The following UBE3B variants were observed in gnomAD, a reference collection of about 807,000 sequenced individuals.
UBE3B encodes ubiquitin-protein ligase E3B.
A neutral mutation model predicts 132.3 loss-of-function variants in UBE3B; 80 were observed. The observed-to-expected ratio is 0.60, with a 90% confidence interval of 0.50 to 0.73. UBE3B has a LOEUF of 0.73. Among genes scored for constraint, UBE3B ranks in the 30% least tolerant of loss-of-function variants. The probability of loss-of-function intolerance (pLI) is 0.00; values close to 1 mark genes in which losing one functional copy is unlikely to be tolerated. For missense variants in UBE3B, 1,196 were observed against 1,362.5 expected (o/e 0.88, Z 1.92); for synonymous variants, 487 against 520.4 (o/e 0.94, Z 0.87).
rs2241207 is a variant in UBE3B, at chr12:109,530,981, T to C, written c.2922+323T>C. ...ATCTTTTTTCTTTATTTCCTTTCAT[T>C]ATAGAAGTAAATGACCCTCTGCTTG... On this transcript the variant is annotated intron_variant, in intron 26 of 27. Coordinates refer to ENST00000342494, the MANE Select transcript of UBE3B (RefSeq NM_130466.4). Among the ~76,000 whole-genome samples the C allele has an allele frequency of 2.5e-3, 378 of 152,250 alleles. 1 individual carries two copies. Among genetic ancestry groups the C allele is most frequent in the Admixed American group, 0.018 (269 of 15,302 alleles).
rs1408831817 is a variant in UBE3B at position 109,522,412 on chromosome 12, G to A, written c.2364+861G>A. Among the ~76,000 whole-genome samples, 11 of 152,190 alleles carry A rather than the reference G, an allele frequency of 7.2e-5. No individual in the cohort carries two copies. The highest frequency in any genetic ancestry group is 1.6e-4 in the Non-Finnish European group (11 of 68,022). ...TTCCTTGGGAGAGTCCTGTTTCCCA[G>A]GAGGAAGGAAAGCTGCAGCACAAGC... On this transcript the variant is annotated intron_variant, in intron 21 of 27. Transcript: ENST00000342494. The surrounding 1 kb of genome is among the most constrained non-coding windows in gnomAD (Gnocchi z 4.2).
At chr12:109,481,084 G>A (rs770423535) in intron 1 of UBE3B, among the ~76,000 whole-genome samples, 18 of 148,730 alleles carry the variant, frequency 1.2e-4, no homozygotes, top group African/African-American at 3.5e-4. Context: ...CAGCCTGGGC[G>A]ACAGAGCAAG....
At chr12:109,488,496 C>A in intron 6 of UBE3B, 76 bp from the exon 7 acceptor site, 1 of 1,287,392 alleles carries the variant, frequency 7.8e-7, no homozygotes, top group Non-Finnish European at 1.1e-6. Context: ...GCCCATAGAG[C>A]AGTTGTAAAG....
intron 9 of UBE3B, among the ~76,000 whole-genome samples, chr12:109,497,458 C>T (rs937301275): frequency 2.6e-5 from 4 of 152,128 alleles, no homozygotes; most frequent in Non-Finnish European, 4.4e-5. Flanking sequence ...ATAGAGAAAT[C>T]GATTATACCA....
Position 109,510,358 on chromosome 12 carries a change from G to A in UBE3B, c.1756G>A (p.Glu586Lys), listed in dbSNP as rs1410764028. The A allele has an allele frequency of 2.5e-6, 4 of 1,608,944 alleles. No individual in the cohort carries two copies. The highest frequency in any genetic ancestry group is 3.4e-6 in the Non-Finnish European group (4 of 1,177,686). ...TTGTCCCACAGAGAACGCCAAGGGT[G>A]AGACCTTGGAGCTGTTCCAGTCTGT... ...WDGIVENAKG[E>K]TLELFQSVHG... Residue 586 changes from glutamate to lysine, a missense_variant, in exon 17 of 28, where the codon GAG (glutamate) becomes AAG (lysine). Physicochemically the swap from Glu to Lys is moderately conservative, Grantham distance 56. Transcript: ENST00000342494.
Position 109,488,562 on chromosome 12 carries a change from T to C in UBE3B, c.448-10T>C, listed in dbSNP as rs1876899251. ...GTGTGTCTTAATCTTGCTGTGTTTA[T>C]TGTTTCCAGCCTGAAATCCTGCAGG... is the stretch of plus-strand genomic sequence containing the variant. On this transcript the variant is annotated splice_polypyrimidine_tract_variant and intron_variant, in intron 6 of 27. Coordinates refer to ENST00000342494, the MANE Select transcript of UBE3B (RefSeq NM_130466.4). 1 of 1,612,926 alleles carries C rather than the reference T, an allele frequency of 6.2e-7. No individual in the cohort carries two copies. The highest frequency in any genetic ancestry group is 8.5e-7 in the Non-Finnish European group (1 of 1,178,862).
chr12:109,515,674 T>C (rs939594322), intron 18 of UBE3B, among the ~76,000 whole-genome samples: 1 of 152,234 alleles, frequency 6.6e-6, no homozygotes, highest in Non-Finnish European at 1.5e-5. Context: ...CAGCTGTTAC[T>C]GTTCTTATTT....
chr12:109,497,552 T>C (rs1402878452), intron 9 of UBE3B, among the ~76,000 whole-genome samples: 1 of 152,140 alleles, frequency 6.6e-6, no homozygotes, highest in Admixed American at 6.5e-5. Flanking sequence ...TCTTGCCTTT[T>C]TTTAAAGTTC....
At chr12:109,483,414 C>G in intron 2 of UBE3B, 117 bp from the exon 3 acceptor site, 1 of 1,052,938 alleles carries the variant, frequency 9.5e-7, no homozygotes. Flanking sequence ...AGGGTGTTGA[C>G]AGGTCCTGAG....
chr12:109,543,185 C>T, the UBE3B span, among the ~76,000 whole-genome samples: 8,144 of 152,334 alleles, frequency 0.053, 302 homozygotes, highest in Non-Finnish European at 0.082. Context: ...TACAGAAGGG[C>T]TGCGTGTGCG....
chr12:109,484,637 G>A (rs577806733), intron 4 of UBE3B, among the ~76,000 whole-genome samples: 42 of 151,948 alleles, frequency 2.8e-4, no homozygotes, highest in Non-Finnish European at 5.0e-4. Context: ...TGATCTGCCC[G>A]CCTCAGCCTC....
intron 24 of UBE3B, among the ~76,000 whole-genome samples, chr12:109,528,939 A>G (rs896098907): frequency 2.6e-5 from 4 of 152,120 alleles, no homozygotes; most frequent in African/African-American, 9.7e-5. Context: ...CGGGCAGATC[A>G]CCCGAGGTCA....
At chr12:109,488,403 T>C (rs933638582) in intron 6 of UBE3B, among the ~76,000 whole-genome samples, 169 bp from the exon 7 acceptor site, 1 of 138,052 alleles carries the variant, frequency 7.2e-6, no homozygotes, top group Non-Finnish European at 1.7e-5. Flanking sequence ...TTCCCTGTTA[T>C]TTAACTCCTG....
chr12:109,505,400 T>C (rs1879536605), intron 14 of UBE3B, among the ~76,000 whole-genome samples: 1 of 152,238 alleles, frequency 6.6e-6, no homozygotes, highest in Non-Finnish European at 1.5e-5. Flanking sequence ...TGTGTGATGC[T>C]ATGAGCATTC....
intron 14 of UBE3B, among the ~76,000 whole-genome samples, chr12:109,506,004 T>A (rs1040141448): frequency 6.6e-6 from 1 of 152,208 alleles, no homozygotes; most frequent in Non-Finnish European, 1.5e-5. Flanking sequence ...AGTCAAGAGA[T>A]GTGTTATTAG....
At position 109,522,228 on chromosome 12, in the gene UBE3B, G is replaced by A. The variant is rs1362924641; in HGVS notation, c.2364+677G>A. 2.1e-4 allele frequency among the ~76,000 whole-genome samples: 32 copies of A among 152,194 alleles called. No individual in the cohort carries two copies. Among genetic ancestry groups the A allele is most frequent in the Admixed American group, 2.0e-3 (30 of 15,278 alleles). ...GCCAGCTGCTCACACCAGGTGGATC[G>A]GAGCAGTCATCCTCACCTTACTAAG... On this transcript the variant is annotated intron_variant, in intron 21 of 27. Transcript: ENST00000342494. The surrounding 1 kb of genome is among the most constrained non-coding windows in gnomAD (Gnocchi z 4.2).
chr12:109,518,302 G>T (rs922011840), intron 19 of UBE3B, among the ~76,000 whole-genome samples: 2 of 152,154 alleles, frequency 1.3e-5, no homozygotes, highest in African/African-American at 4.8e-5. Flanking sequence ...CCGCCACTCA[G>T]CTCCTCCAGA....
chr12:109,533,599 T>A, intron 27 of UBE3B, 41 bp downstream of exon 27: 1 of 1,538,718 alleles, frequency 6.5e-7, no homozygotes, highest in Non-Finnish European at 8.9e-7. Context: ...TTGACTTCCC[T>A]CTTGGTGGTT....
chr12:109,517,927 A>G (rs770282819), intron 19 of UBE3B: 2 of 444,896 alleles, frequency 4.5e-6, no homozygotes, highest in Middle Eastern at 3.3e-4. Context: ...AGCTTGTTTG[A>G]GTGCCCCTGG....
Sources: allele counts gnomAD v4.1 joint callset (sites outside exome capture counted in the v4.1 genomes callset), GRCh38; gene constraint gnomAD v4.1.1; non-coding constraint Gnocchi (gnomAD v3.1); transcripts MANE v1.5; gene names NCBI Gene and HGNC (gene_info 2026-07-23, HGNC 2026-07-21).